Variants in WDFY1 observed in about 807,000 individuals in gnomAD.
The protein encoded by WDFY1 is WD repeat and FYVE domain containing 1, also known as WD repeat and FYVE domain-containing protein 1.
A neutral mutation model predicts 56.4 loss-of-function variants in WDFY1; 32 were observed. The ratio of observed to expected loss-of-function variants is 0.57; its 90% CI spans 0.43 to 0.76. The LOEUF (loss-of-function observed/expected upper bound fraction) is 0.76. Ranked by LOEUF, WDFY1 falls within the 30% of genes least tolerant of loss-of-function variation. The pLI, the probability that WDFY1 is intolerant of heterozygous loss-of-function variation, is 0.00. For missense variants in WDFY1, 480 were observed against 545.7 expected (o/e 0.88, Z 1.20); for synonymous variants, 192 against 197.3 (o/e 0.97, Z 0.23).
intron 1 of WDFY1, among the ~76,000 whole-genome samples, chr2:223,939,976 C>G (rs193259828): frequency 8.5e-5 from 13 of 152,360 alleles, no homozygotes; most frequent in African/African-American, 3.1e-4. Flanking sequence ...ATGCTCTCAG[C>G]TAGTTCTCAC....
chr2:223,924,489 C>T (rs1162729590), intron 1 of WDFY1, among the ~76,000 whole-genome samples: 2 of 152,120 alleles, frequency 1.3e-5, no homozygotes, highest in African/African-American at 4.8e-5. Flanking sequence ...TCAGCCTCCC[C>T]AGCAGCTGAG....
intron 7 of WDFY1, 56 bp from the exon 8 acceptor site, chr2:223,894,395 G>C (rs961217726): frequency 1.9e-6 from 3 of 1,580,100 alleles, no homozygotes; most frequent in Non-Finnish European, 1.7e-6. Flanking sequence ...CACAGGAACT[G>C]TCTTCATTTA....
rs532679019 is a variant in WDFY1 at position 223,945,011 on chromosome 2, A to G, written c.137+137T>C. The G allele has an allele frequency of 1.3e-4, 137 of 1,022,884 alleles. No homozygotes were observed. In the African/African-American group the frequency reaches 1.6e-3, roughly 12 times the overall value. The allele number at this position is 1,022,884 out of a possible 1,614,324, so 63.4% of individuals were successfully genotyped here. On this transcript the variant is annotated intron_variant, in intron 1 of 11. Transcript: ENST00000233055. ...AGGGAACCGGGAACCCGGCGGAGCT[A>G]AGGGGCGCAGAGTGGGGGTGGGGCC...
At chr2:223,906,916 A>G (rs1693605361) in intron 3 of WDFY1, among the ~76,000 whole-genome samples, 1 of 151,592 alleles carries the variant, frequency 6.6e-6, no homozygotes, top group African/African-American at 2.4e-5. Flanking sequence ...TAAAGCTATG[A>G]AGATAAAACT....
intron 6 of WDFY1, among the ~76,000 whole-genome samples, chr2:223,898,142 C>T (rs999815011): frequency 2.6e-5 from 4 of 152,160 alleles, no homozygotes; most frequent in Non-Finnish European, 4.4e-5. Context: ...AACCCCTCCA[C>T]AGAGCTTCAC....
chr2:223,896,220 G>C (rs1622378), intron 6 of WDFY1, among the ~76,000 whole-genome samples: 135,918 of 145,946 alleles, frequency 0.93, 63,347 homozygotes, highest in South Asian at 0.97. Flanking sequence ...GAAGTTTTTC[G>C]TTCTTCTGTG....
intron 8 of WDFY1, among the ~76,000 whole-genome samples, chr2:223,892,241 G>A (rs139264226): frequency 0.019 from 2,948 of 152,276 alleles, 79 homozygotes; most frequent in African/African-American, 0.067. Context: ...CTCCCAAAGC[G>A]CTGGGATTAC....
rs539351531 is a variant in WDFY1, at chr2:223,945,207, G to C, written c.78C>G (p.Ala26=). ...LLSKIEGHQD[A]VTAALLIPKE... ...TGGGGATGAGCAGCGCGGCCGTGAC[G>C]GCGTCCTGGTGCCCCTCGATCTTGC... The change falls in exon 1 of 12, where the codon GCC becomes GCG. Residue 26 remains alanine (A), a synonymous_variant. Transcript: ENST00000233055. The C allele has an allele frequency of 2.5e-6, 4 of 1,599,272 alleles. No individual in the cohort carries two copies. The highest frequency in any genetic ancestry group is 3.4e-6 in the Non-Finnish European group (4 of 1,175,762).
chr2:223,889,552 T>C (rs1187638248), intron 8 of WDFY1, among the ~76,000 whole-genome samples: 1 of 151,920 alleles, frequency 6.6e-6, no homozygotes, highest in African/African-American at 2.4e-5. Context: ...CAAAGGGGAG[T>C]TCCCCTGCAC....
intron 10 of WDFY1, 38 bp downstream of exon 10, chr2:223,881,904 A>G: frequency 6.2e-7 from 1 of 1,609,274 alleles, no homozygotes; most frequent in Non-Finnish European, 8.5e-7. Flanking sequence ...AGACAGATGT[A>G]ATAAGAGGCA....
At chr2:223,917,290 G>A (rs984970355) in intron 2 of WDFY1, among the ~76,000 whole-genome samples, 6 of 152,154 alleles carry the variant, frequency 3.9e-5, no homozygotes, top group Non-Finnish European at 8.8e-5. Context: ...ACGCTATGGA[G>A]GGCACAGTCC....
At chr2:223,908,514 G>C (rs1308478149) in intron 3 of WDFY1, among the ~76,000 whole-genome samples, 1 of 152,118 alleles carries the variant, frequency 6.6e-6, no homozygotes, top group Admixed American at 6.6e-5. Context: ...GCACTGTCCT[G>C]GCTGGCTCTC....
chr2:223,912,911 T>C (rs897426315), intron 2 of WDFY1, among the ~76,000 whole-genome samples: 3 of 152,138 alleles, frequency 2.0e-5, no homozygotes, highest in African/African-American at 7.2e-5. Flanking sequence ...AAATTGTCTT[T>C]TACCAAAAAT....
In WDFY1 at chr2:223,894,222, C is replaced by G; in HGVS notation, c.831+12G>C. 6.2e-7 allele frequency: 1 copy of G among 1,614,008 alleles called. No individual in the cohort carries two copies. Among genetic ancestry groups the G allele is most frequent in the East Asian group, 2.2e-5 (1 of 44,866 alleles). On this transcript the variant is annotated intron_variant, in intron 8 of 11. Transcript: ENST00000233055. ...CTCCCCCGATCAGCCTGGACTTGCC[C>G]TTGTCTCTTACCTCTTCTCTGCTAA...
At position 223,942,527 on chromosome 2, in the gene WDFY1, C is replaced by CTTT. The variant is rs57223015; in HGVS notation, c.137+2618_137+2620dup. ...GCCACTGCGCCTGGCCAAAGGCTAA[C>CTTT]TTTTTTTTTTTTTTTTTTTGAGACG... On this transcript the variant is annotated intron_variant, in intron 1 of 11. Coordinates refer to ENST00000233055, the MANE Select transcript of WDFY1 (RefSeq NM_020830.5). Among the ~76,000 whole-genome samples the CTTT allele has an allele frequency of 3.6e-4, 27 of 74,238 alleles. 3 individuals carry two copies. The highest frequency in any genetic ancestry group is 1.6e-3 in the East Asian group (5 of 3,136). The allele number at this position is 74,238 out of a possible 152,430, so 48.7% of individuals were successfully genotyped here.
At chr2:223,906,201 C>T (rs974531179) in intron 3 of WDFY1, among the ~76,000 whole-genome samples, 200 bp from the exon 4 acceptor site, 8 of 152,110 alleles carry the variant, frequency 5.3e-5, no homozygotes, top group East Asian at 1.9e-4. Context: ...GAGAACAGAC[C>T]GAATTGAATA....
At chr2:223,940,979 C>T (rs1004745162) in intron 1 of WDFY1, among the ~76,000 whole-genome samples, 6 of 152,150 alleles carry the variant, frequency 3.9e-5, no homozygotes, top group Admixed American at 3.3e-4. Flanking sequence ...TGTGCCACCA[C>T]GCCCAGCTAA....
At chr2:223,918,036 A>T in intron 1 of WDFY1, 26 bp from the exon 2 acceptor site, 1 of 1,608,366 alleles carries the variant, frequency 6.2e-7, no homozygotes, top group Non-Finnish European at 8.5e-7. Context: ...AAGAAAAAAT[A>T]GAGTAGGTTT....
rs1309671912 is a variant in WDFY1 at position 223,876,466 on chromosome 2, G to A, written c.*2205C>T. On this transcript the variant is annotated 3_prime_UTR_variant, in exon 12 of 12. Transcript: ENST00000233055. ...GAGACAAGACTAGCCTGTCACGTTT[G>A]TCTCTAAAAAGAAAAATGATAGGCC... 5 of 152,502 alleles carry A rather than the reference G, an allele frequency of 3.3e-5. No individual in the cohort carries two copies. The highest frequency in any genetic ancestry group is 3.3e-4 in the Admixed American group (5 of 15,264). The allele number at this position is 152,502 out of a possible 1,614,324, so 9.4% of individuals were successfully genotyped here. A position where few individuals can be genotyped will look rare whatever the true frequency, so the allele number is the denominator to read the frequency against.
Sources: gnomAD v4.1 joint callset for allele counts (sites outside exome capture counted in the v4.1 genomes callset) on GRCh38, gnomAD v4.1.1 for gene constraint, MANE v1.5 for transcripts, NCBI Gene and HGNC (gene_info 2026-07-23, HGNC 2026-07-21) for gene names.